The following SLC25A13 variants were observed in gnomAD, a reference collection of about 807,000 sequenced individuals.
The protein encoded by SLC25A13 is solute carrier family 25 member 13.
SLC25A13 carries 70 observed loss-of-function variants against 85.5 expected under a neutral mutation model. The observed-to-expected ratio is 0.82, with a 90% CI of 0.68 to 1.00. SLC25A13 has a LOEUF of 1.00. Among genes scored for constraint, SLC25A13 ranks in the 50% least tolerant of loss-of-function variants. SLC25A13 has a pLI of 0.00. For synonymous variants in SLC25A13, 259 were observed against 288.7 expected (o/e 0.90, Z 1.04); for missense variants, 765 against 819.8 (o/e 0.93, Z 0.82).
chr7:96,295,459 C>G (rs895301004), intron 2 of SLC25A13, among the ~76,000 whole-genome samples: 1 of 152,172 alleles, frequency 6.6e-6, no homozygotes, highest in African/African-American at 2.4e-5. Flanking sequence ...ATCATACTGC[C>G]TACTCATTTT....
At chr7:96,134,361 A>C (rs188510567) in intron 14 of SLC25A13, among the ~76,000 whole-genome samples, 3 of 152,266 alleles carry the variant, frequency 2.0e-5, no homozygotes, top group African/African-American at 7.2e-5. Context: ...AAACAAAGAC[A>C]TATTATTTGT....
intron 3 of SLC25A13, among the ~76,000 whole-genome samples, chr7:96,266,063 A>G (rs750541086): frequency 6.6e-6 from 1 of 152,232 alleles, no homozygotes; most frequent in Non-Finnish European, 1.5e-5. Context: ...TGAATTTTGG[A>G]GGGACATCAA....
chr7:96,156,109 T>C (rs1387142307), intron 13 of SLC25A13, among the ~76,000 whole-genome samples: 2 of 152,198 alleles, frequency 1.3e-5, no homozygotes, highest in African/African-American at 2.4e-5. Context: ...TTCTAAGAGA[T>C]AAAGATAAAC....
chr7:96,126,480 A>G (rs1371688144), intron 15 of SLC25A13, among the ~76,000 whole-genome samples: 5 of 152,188 alleles, frequency 3.3e-5, no homozygotes, highest in African/African-American at 1.2e-4. Flanking sequence ...CTGAAGCTCC[A>G]TATGAAAACC....
At chr7:96,278,537 A>C (rs1798545457) in intron 2 of SLC25A13, among the ~76,000 whole-genome samples, 2 of 152,328 alleles carry the variant, frequency 1.3e-5, no homozygotes, top group African/African-American at 4.8e-5. Context: ...TCAGGTAAGT[A>C]ACTAAAGCTT....
At chr7:96,204,523 A>G (rs1353079263) in intron 5 of SLC25A13, among the ~76,000 whole-genome samples, 3 of 146,394 alleles carry the variant, frequency 2.0e-5, no homozygotes, top group Non-Finnish European at 4.5e-5. Context: ...TGGGTAACAG[A>G]GTGAGACCCT....
intron 4 of SLC25A13, among the ~76,000 whole-genome samples, chr7:96,230,825 G>A (rs1287132196): frequency 6.6e-6 from 1 of 152,168 alleles, no homozygotes; most frequent in Non-Finnish European, 1.5e-5. Flanking sequence ...AGACTTAAAT[G>A]TGGCCAGACA....
rs1297367399 is a variant in SLC25A13, at chr7:96,146,513, G to A, written c.1452+43C>T. On this transcript the variant is annotated intron_variant, in intron 14 of 17. Transcript: ENST00000265631. Reference sequence around the variant, plus strand: ...AAGAATAGTTTCTGCATTAGGAGATGAGAAAGTAATCAAATAAATGACTAA... The same window carrying A: ...AAGAATAGTTTCTGCATTAGGAGATAAGAAAGTAATCAAATAAATGACTAA... 3.8e-6 allele frequency: 6 copies of A among 1,596,744 alleles called. No homozygotes were observed. The South Asian group carries it at 6.8e-5, about 18-fold the overall frequency.
intron 1 of SLC25A13, among the ~76,000 whole-genome samples, chr7:96,317,805 A>ATTTT (rs67556510): frequency 6.9e-6 from 1 of 144,172 alleles, no homozygotes. Flanking sequence ...ATTTTACTTT[A>ATTTT]TTTTATTTTT....
rs564681206 is a variant in SLC25A13 at position 96,126,607 on chromosome 7, T to C, written c.1592-4610A>G. Among the ~76,000 whole-genome samples the C allele has an allele frequency of 5.9e-5, 9 of 152,322 alleles. No homozygotes were observed. The East Asian group carries it at 1.7e-3, about 29-fold the overall frequency. On this transcript the variant is annotated intron_variant, in intron 15 of 17. Transcript: ENST00000265631. ...GGCATTCTATTCTTCACTCAAAGGT[T>C]AACATTCTCCAGTTCAGCCCTTGCA...
intron 3 of SLC25A13, 77 bp from the exon 4 acceptor site, chr7:96,234,994 GA>G (rs1431720709): frequency 6.1e-5 from 59 of 962,162 alleles, no homozygotes; most frequent in Non-Finnish European, 1.6e-6. Flanking sequence ...TACACTGAGG[GA>G]AAAAATAAGA....
chr7:96,256,858 A>G (rs1052097313), intron 3 of SLC25A13, among the ~76,000 whole-genome samples: 2 of 151,800 alleles, frequency 1.3e-5, no homozygotes, highest in Non-Finnish European at 2.9e-5. Context: ...ATGGAAATCA[A>G]AACAGTCTCT....
Position 96,201,574 on chromosome 7 carries a change from G to A in SLC25A13, c.468+7264C>T, listed in dbSNP as rs555427041. 1.7e-3 allele frequency among the ~76,000 whole-genome samples: 266 copies of A among 152,078 alleles called. 3 individuals are homozygous for A. Among genetic ancestry groups the A allele is most frequent in the African/African-American group, 6.1e-3 (252 of 41,484 alleles). On this transcript the variant is annotated intron_variant, in intron 5 of 17. Coordinates refer to ENST00000265631, the MANE Select transcript of SLC25A13 (RefSeq NM_014251.3). ...ACTAATACAAACAAGACAAGTTGGG[G>A]GACAAAAGGGAGAGGCAAATGGCTC...
chr7:96,268,041 C>A (rs1185110708), intron 3 of SLC25A13, among the ~76,000 whole-genome samples: 1 of 152,146 alleles, frequency 6.6e-6, no homozygotes, highest in Non-Finnish European at 1.5e-5. Flanking sequence ...CCCTAGCAAG[C>A]CAACTGGATC....
chr7:96,192,612 C>G, intron 6 of SLC25A13, among the ~76,000 whole-genome samples: 1 of 151,778 alleles, frequency 6.6e-6, no homozygotes, highest in East Asian at 1.9e-4. Flanking sequence ...GACACATACA[C>G]GGTGAAAGGG....
At chr7:96,149,090 C>T (rs3779486) in intron 13 of SLC25A13, among the ~76,000 whole-genome samples, 73,754 of 152,006 alleles carry the variant, frequency 0.49, 19,195 homozygotes, top group African/African-American at 0.69. Flanking sequence ...TCTGTCCTTG[C>T]TAAAATTTTC....
intron 11 of SLC25A13, among the ~76,000 whole-genome samples, chr7:96,174,785 C>A (rs998369088): frequency 5.3e-5 from 8 of 152,212 alleles, no homozygotes; most frequent in Non-Finnish European, 7.3e-5. Flanking sequence ...GCCTTTCAAA[C>A]TACTGAAATT....
At chr7:96,166,279 G>A (rs1439580709) in intron 13 of SLC25A13, among the ~76,000 whole-genome samples, 1 of 152,128 alleles carries the variant, frequency 6.6e-6, no homozygotes, top group Non-Finnish European at 1.5e-5. Flanking sequence ...CATTATCAAA[G>A]GACCATAGTT....
intron 1 of SLC25A13, among the ~76,000 whole-genome samples, chr7:96,298,338 A>T (rs1327450534): frequency 6.6e-6 from 1 of 152,186 alleles, no homozygotes; most frequent in Admixed American, 6.5e-5. Context: ...CTGAAACCAG[A>T]TGGTTGGTCA....
Sources: allele counts gnomAD v4.1 joint callset (sites outside exome capture counted in the v4.1 genomes callset), GRCh38; gene constraint gnomAD v4.1.1; transcripts MANE v1.5; gene names NCBI Gene and HGNC (gene_info 2026-07-23, HGNC 2026-07-21).